The following SLC7A14 variants were observed in gnomAD, a reference collection of about 807,000 sequenced individuals.
SLC7A14 encodes solute carrier family 7 member 14.
Under a neutral mutation model 60.2 loss-of-function variants are expected in SLC7A14, and 37 were observed. The ratio of observed to expected loss-of-function variants is 0.61; its 90% CI spans 0.47 to 0.81. The LOEUF (loss-of-function observed/expected upper bound fraction) is 0.81, where lower values mean the gene tolerates loss of function less well. Among genes scored for constraint, SLC7A14 ranks in the 30% least tolerant of loss-of-function variants. The pLI, the probability that SLC7A14 is intolerant of heterozygous loss-of-function variation, is 0.00. For missense variants in SLC7A14, 886 were observed against 982.7 expected (o/e 0.90, Z 1.32); for synonymous variants, 399 against 395.8 (o/e 1.01, Z -0.10).
intron 2 of SLC7A14, among the ~76,000 whole-genome samples, chr3:170,516,731 C>A (rs1415702508): frequency 6.6e-6 from 1 of 152,046 alleles, no homozygotes; most frequent in Non-Finnish European, 1.5e-5. Context: ...CATGCCACTG[C>A]ACTTCAGCTT....
chr3:170,489,145 G>A (rs913771373), intron 4 of SLC7A14, among the ~76,000 whole-genome samples: 4 of 152,138 alleles, frequency 2.6e-5, no homozygotes, highest in African/African-American at 9.7e-5. Flanking sequence ...GCACAGCCAA[G>A]GATACAACCA....
intron 7 of SLC7A14, among the ~76,000 whole-genome samples, chr3:170,478,358 G>A (rs972785646): frequency 6.6e-6 from 1 of 152,178 alleles, no homozygotes; most frequent in African/African-American, 2.4e-5. Flanking sequence ...GATTATAGAC[G>A]TGAGCCACTA....
chr3:170,518,805 C>T (rs7636326), intron 2 of SLC7A14, among the ~76,000 whole-genome samples: 15,583 of 152,066 alleles, frequency 0.1, 1,120 homozygotes, highest in African/African-American at 0.2. Flanking sequence ...GCAGAGCAGA[C>T]GGTGAGGTTA....
intron 2 of SLC7A14, among the ~76,000 whole-genome samples, chr3:170,507,478 G>T (rs1712818854): frequency 6.6e-6 from 1 of 152,198 alleles, no homozygotes; most frequent in Admixed American, 6.5e-5. Flanking sequence ...GGAGACTGGG[G>T]GAGGGAGCCT....
intron 1 of SLC7A14, among the ~76,000 whole-genome samples, chr3:170,536,755 T>C (rs1713853417): frequency 6.6e-6 from 1 of 152,208 alleles, no homozygotes; most frequent in Non-Finnish European, 1.5e-5. Context: ...TGCAACACTA[T>C]AGTTGCAAAG....
intron 1 of SLC7A14, among the ~76,000 whole-genome samples, chr3:170,537,759 T>A (rs1016902992): frequency 1.3e-5 from 2 of 152,200 alleles, no homozygotes; most frequent in Non-Finnish European, 2.9e-5. Flanking sequence ...AGTGGTTTAT[T>A]TGAGGCCACA....
intron 3 of SLC7A14, 33 bp downstream of exon 3, chr3:170,501,076 C>T (rs775650907): frequency 8.7e-6 from 14 of 1,602,556 alleles, no homozygotes; most frequent in Non-Finnish European, 1.2e-5. Flanking sequence ...GGTAAGTTTG[C>T]ATGTTGAGGG....
chr3:170,509,028 G>A (rs1248103698), intron 2 of SLC7A14, among the ~76,000 whole-genome samples: 1 of 152,122 alleles, frequency 6.6e-6, no homozygotes, highest in African/African-American at 2.4e-5. Flanking sequence ...TCCTCTTCCC[G>A]ATGCCCTTGG....
intron 2 of SLC7A14, among the ~76,000 whole-genome samples, chr3:170,509,363 T>C (rs1712893272): frequency 6.6e-6 from 1 of 152,120 alleles, no homozygotes; most frequent in African/African-American, 2.4e-5. Flanking sequence ...AGGGCTCCAA[T>C]TAAAGTTGGG....
intron 1 of SLC7A14, among the ~76,000 whole-genome samples, chr3:170,563,238 A>G (rs1714702094): frequency 2.0e-5 from 3 of 151,998 alleles, no homozygotes; most frequent in Admixed American, 2.0e-4. Context: ...AGTCAATACA[A>G]TATTTGCCAC....
At chr3:170,528,663 C>T (rs774822904) in intron 1 of SLC7A14, among the ~76,000 whole-genome samples, 10 of 152,124 alleles carry the variant, frequency 6.6e-5, no homozygotes, top group Non-Finnish European at 1.5e-4. Flanking sequence ...AGTGTGGCTT[C>T]GTGCTGTGTT....
intron 1 of SLC7A14, among the ~76,000 whole-genome samples, chr3:170,567,457 C>T (rs1038858886): frequency 0.023 from 3,480 of 151,416 alleles, 140 homozygotes; most frequent in African/African-American, 0.078. Flanking sequence ...TGAATAGTGC[C>T]GCAGTAAACA....
intron 7 of SLC7A14, chr3:170,476,628 A>G (rs1711627381): frequency 6.6e-6 from 1 of 152,250 alleles, no homozygotes; most frequent in Non-Finnish European, 1.5e-5. Context: ...CAGTCTGTCC[A>G]TACTTGTGGA....
intron 2 of SLC7A14, among the ~76,000 whole-genome samples, chr3:170,523,228 G>C (rs939706478): frequency 6.6e-6 from 1 of 152,152 alleles, no homozygotes; most frequent in Non-Finnish European, 1.5e-5. Flanking sequence ...CTTACTCAAG[G>C]TCTCACAGCT....
At chr3:170,475,553 T>C (rs944408489) in intron 7 of SLC7A14, among the ~76,000 whole-genome samples, 6 of 152,200 alleles carry the variant, frequency 3.9e-5, no homozygotes, top group Admixed American at 3.9e-4. Context: ...AAAATAGTTT[T>C]TGAAAAACAA....
chr3:170,501,418 G>T, intron 2 of SLC7A14, 73 bp from the exon 3 acceptor site: 1 of 1,280,930 alleles, frequency 7.8e-7, no homozygotes, highest in East Asian at 2.3e-5. Flanking sequence ...ACAATCTTGG[G>T]TGGAACATAC....
intron 6 of SLC7A14, among the ~76,000 whole-genome samples, chr3:170,481,808 G>A (rs1308248934): frequency 6.6e-6 from 1 of 152,180 alleles, no homozygotes; most frequent in African/African-American, 2.4e-5. Context: ...CTAGATTGAA[G>A]CCCAGGCTCT....
intron 1 of SLC7A14, among the ~76,000 whole-genome samples, chr3:170,582,247 T>C (rs922668200): frequency 2.0e-5 from 3 of 152,122 alleles, no homozygotes; most frequent in Non-Finnish European, 4.4e-5. Flanking sequence ...TCTTCCCAGT[T>C]CCTAGTTCTT....
At chr3:170,486,038 G>T (rs549620603) in intron 5 of SLC7A14, among the ~76,000 whole-genome samples, 184 bp downstream of exon 5, 1 of 152,280 alleles carries the variant, frequency 6.6e-6, no homozygotes, top group East Asian at 1.9e-4. Context: ...AAGTCCTGGG[G>T]CTTCTCCTCT....
Sources: allele counts gnomAD v4.1 joint callset (sites outside exome capture counted in the v4.1 genomes callset), GRCh38; gene constraint gnomAD v4.1.1; transcripts MANE v1.5; gene names NCBI Gene and HGNC (gene_info 2026-07-23, HGNC 2026-07-21).